MAOB: variants seen among roughly 807,000 people sequenced by gnomAD.
The protein encoded by MAOB is monoamine oxidase B, also known as amine oxidase [flavin-containing] B.
MAOB carries 15 observed loss-of-function variants against 41.9 expected under a neutral mutation model. The ratio of observed to expected loss-of-function variants is 0.36; its 90% CI spans 0.24 to 0.55. The LOEUF is 0.55. MAOB is among the 20% of genes least tolerant of loss of function. The pLI, the probability that MAOB is intolerant of heterozygous loss-of-function variation, is 0.86. For missense variants in MAOB, 345 were observed against 398.7 expected (o/e 0.87, Z 1.15); for synonymous variants, 167 against 144.2 (o/e 1.16, Z -1.13).
At chrX:43,771,157 C>G (rs1439457359) in intron 12 of MAOB, among the ~76,000 whole-genome samples, 1 of 111,864 alleles carries the variant, frequency 8.9e-6, no homozygotes, top group East Asian at 2.8e-4. Flanking sequence ...TACAGATGGT[C>G]TCCAACGTAT....
chrX:43,819,572 C>A (rs757734553), intron 3 of MAOB, among the ~76,000 whole-genome samples: 1 of 111,773 alleles, frequency 8.9e-6, no homozygotes, highest in Admixed American at 9.5e-5. Context: ...ATGCTATTCG[C>A]CACCTCCAAG....
chrX:43,831,092 G>T (rs1266760248), intron 3 of MAOB, among the ~76,000 whole-genome samples: 1 of 109,121 alleles, frequency 9.2e-6, no homozygotes, highest in East Asian at 2.9e-4. Context: ...GGCCTTTGAG[G>T]TTCTGCATTA....
intron 1 of MAOB, among the ~76,000 whole-genome samples, chrX:43,867,616 C>A (rs972502156): frequency 7.1e-5 from 8 of 112,127 alleles, no homozygotes; most frequent in African/African-American, 2.3e-4. Context: ...AACCAATATA[C>A]TGTACAGACC....
At chrX:43,840,444 A>T (rs1489891008) in intron 2 of MAOB, among the ~76,000 whole-genome samples, 1 of 111,922 alleles carries the variant, frequency 8.9e-6, no homozygotes, top group East Asian at 2.8e-4. Context: ...TGCTGAGGAC[A>T]AATTCAATTA....
intron 3 of MAOB, among the ~76,000 whole-genome samples, chrX:43,830,105 A>G (rs1318095077): frequency 1.8e-5 from 2 of 112,755 alleles, no homozygotes; most frequent in African/African-American, 6.4e-5. Flanking sequence ...TTCACTTTTT[A>G]ATATGGCTAC....
intron 3 of MAOB, among the ~76,000 whole-genome samples, chrX:43,829,210 T>C (rs2034987980): frequency 8.9e-6 from 1 of 112,314 alleles, no homozygotes; most frequent in Non-Finnish European, 1.9e-5. Flanking sequence ...GAAGCATGTG[T>C]GCTAAAAGAT....
chrX:43,776,579 C>G (rs1294618995), intron 11 of MAOB, among the ~76,000 whole-genome samples: 1 of 110,880 alleles, frequency 9.0e-6, no homozygotes, highest in Non-Finnish European at 1.9e-5. Flanking sequence ...CAACTCCACA[C>G]TCTTTATTCT....
chrX:43,870,389 C>A (rs1222572943), intron 1 of MAOB, among the ~76,000 whole-genome samples: 1 of 110,064 alleles, frequency 9.1e-6, no homozygotes, highest in Non-Finnish European at 1.9e-5. Flanking sequence ...TAGTGATCAA[C>A]CTCTACCTTT....
Position 43,838,855 on chromosome X carries a change from G to A in MAOB, c.279+13C>T. The A allele has an allele frequency of 8.5e-7, 1 of 1,178,601 alleles. No individual in the cohort carries two copies. Among genetic ancestry groups the A allele is most frequent in the East Asian group, 3.0e-5 (1 of 33,071 alleles). ...GAAGTTTTCAAATCCTTCAAAGTCTGGCCTGATCTTACCTTTACATGGTGG... is the reference window on the plus strand; with the variant it reads ...GAAGTTTTCAAATCCTTCAAAGTCTAGCCTGATCTTACCTTTACATGGTGG... On this transcript the variant is annotated intron_variant, in intron 3 of 14. Coordinates refer to ENST00000378069, the MANE Select transcript of MAOB (RefSeq NM_000898.5).
chrX:43,780,307 G>A (rs997399428), intron 10 of MAOB, 35 bp downstream of exon 10: 3 of 1,142,575 alleles, frequency 2.6e-6, no homozygotes, highest in Non-Finnish European at 3.6e-6. Flanking sequence ...GGGAAAGGAA[G>A]GAAGAAACGA....
intron 3 of MAOB, among the ~76,000 whole-genome samples, chrX:43,834,691 T>C (rs754868180): frequency 8.9e-6 from 1 of 112,082 alleles, no homozygotes; most frequent in African/African-American, 3.2e-5. Flanking sequence ...GTTTGAGCAA[T>C]AGCAGCTATG....
chrX:43,817,329 C>CT (rs113436504), intron 3 of MAOB, among the ~76,000 whole-genome samples: 1 of 110,476 alleles, frequency 9.1e-6, no homozygotes, highest in Non-Finnish European at 1.9e-5. Flanking sequence ...TGCTTGACTT[C>CT]TTTTTTTCTC....
At chrX:43,843,995 C>G in intron 1 of MAOB, 1 of 830,358 alleles carries the variant, frequency 1.2e-6, no homozygotes, top group South Asian at 5.2e-5. Context: ...AACACATCCT[C>G]TGCCACTATA....
intron 3 of MAOB, among the ~76,000 whole-genome samples, chrX:43,832,509 A>G (rs763170436): frequency 1.9e-4 from 21 of 111,497 alleles, no homozygotes; most frequent in South Asian, 3.8e-4. Context: ...TGCCTACTCA[A>G]TGTGAAGATG....
intron 3 of MAOB, among the ~76,000 whole-genome samples, chrX:43,838,652 T>C (rs748940187): frequency 8.9e-6 from 1 of 112,232 alleles, no homozygotes; most frequent in East Asian, 2.8e-4. Context: ...ACATGGAAGA[T>C]ACCACTTCAT....
rs758841586 is a variant in MAOB at position 43,837,572 on chromosome X, C to G, written c.279+1296G>C. 3.5e-3 allele frequency among the ~76,000 whole-genome samples: 392 copies of G among 112,513 alleles called. 1 individual carries two copies. The highest frequency in any genetic ancestry group is 0.012 in the African/African-American group (372 of 30,997). On this transcript the variant is annotated intron_variant, in intron 3 of 14. Transcript: ENST00000378069. The stretch of plus-strand genomic sequence containing the variant: ...AGGAAAACTTTTACCCACATTATAC[C>G]AAATTAAGTAACTGCTTAGTTCCCA...
intron 3 of MAOB, among the ~76,000 whole-genome samples, chrX:43,807,510 G>A (rs1240228748): frequency 8.9e-6 from 1 of 112,075 alleles, no homozygotes; most frequent in African/African-American, 3.2e-5. Flanking sequence ...CTCATTCACT[G>A]GGCCCTACGC....
chrX:43,780,287 T>G, intron 10 of MAOB, 55 bp downstream of exon 10: 1 of 944,012 alleles, frequency 1.1e-6, no homozygotes, highest in Non-Finnish European at 1.5e-6. Context: ...GAGGGAGGGA[T>G]GGAGTGGGGG....
rs759441216 is a variant in MAOB, at chrX:43,811,593, G to A, written c.280-8189C>T. On this transcript the variant is annotated intron_variant, in intron 3 of 14. Coordinates refer to ENST00000378069, the MANE Select transcript of MAOB (RefSeq NM_000898.5). Reference sequence around the variant, plus strand: ...AATTAGTCTTTCCCATCAGGGAGGAGGGGAGAAGTCCTGCAAATTGTAGTT... The same window carrying A: ...AATTAGTCTTTCCCATCAGGGAGGAAGGGAGAAGTCCTGCAAATTGTAGTT... Among the ~76,000 whole-genome samples the A allele has an allele frequency of 3.6e-5, 4 of 112,188 alleles. No individual in the cohort carries two copies. The East Asian group carries it at 1.1e-3, about 32-fold the overall frequency.
Sources: gnomAD v4.1 joint callset for allele counts (sites outside exome capture counted in the v4.1 genomes callset) on GRCh38, gnomAD v4.1.1 for gene constraint, MANE v1.5 for transcripts, NCBI Gene and HGNC (gene_info 2026-07-23, HGNC 2026-07-21) for gene names.